The following PDZD2 variants were observed in gnomAD, a reference collection of about 807,000 sequenced individuals.
The protein encoded by PDZD2 is PDZ domain containing 2.
Under a neutral mutation model 220.7 loss-of-function variants are expected in PDZD2, and 90 were observed. The ratio of observed to expected loss-of-function variants is 0.41; its 90% CI spans 0.34 to 0.49. The LOEUF is 0.49. Ranked by LOEUF, PDZD2 falls within the 20% of genes least tolerant of loss-of-function variation. PDZD2 has a pLI of 0.28. For missense variants in PDZD2, 3,174 were observed against 3,608.5 expected (o/e 0.88, Z 3.08); for synonymous variants, 1,375 against 1,450.5 (o/e 0.95, Z 1.18).
chr5:31,878,390 C>G (rs1739512374), intron 2 of PDZD2, among the ~76,000 whole-genome samples: 1 of 151,984 alleles, frequency 6.6e-6, no homozygotes, highest in Non-Finnish European at 1.5e-5. Context: ...GCACTATTCT[C>G]TTTTTCTGAA....
chr5:31,820,449 T>C (rs1318677072), intron 2 of PDZD2: 1 of 152,256 alleles, frequency 6.6e-6, no homozygotes, highest in Non-Finnish European at 1.5e-5. Flanking sequence ...TTAAGTGGTC[T>C]TGATAGGTAT....
rs569048510 is a variant in PDZD2 at position 31,671,479 on chromosome 5, G to A, written c.-361+32042G>A. Among the ~76,000 whole-genome samples the A allele has an allele frequency of 7.4e-4, 112 of 152,156 alleles. No individual in the cohort carries two copies. In the Middle Eastern group the frequency reaches 0.017, roughly 23 times the overall value. On this transcript the variant is annotated intron_variant, in intron 1 of 24. Transcript: ENST00000438447. Reference sequence around the variant, plus strand: ...CTCCTGTGGTCAGCATCAGGACTGGGAGCTGGCGTGCTGTGCTCATAGCAG... The same window carrying A: ...CTCCTGTGGTCAGCATCAGGACTGGAAGCTGGCGTGCTGTGCTCATAGCAG...
rs978982106 is a variant in PDZD2 at position 32,000,739 on chromosome 5, A to C, written c.1254+468A>C. On this transcript the variant is annotated intron_variant, in intron 5 of 24. Transcript: ENST00000438447. This position sits in a 1 kb window ranked among gnomAD's most constrained non-coding sequence, Gnocchi z 4.5. ...TGGTCAGGCTGGTCTCAAACTCCTG[A>C]CCTCAGGTGATGCACCTGCCTCAGC... 1.3e-5 allele frequency among the ~76,000 whole-genome samples: 2 copies of C among 152,090 alleles called. No individual in the cohort carries two copies. The highest frequency in any genetic ancestry group is 2.9e-5 in the Non-Finnish European group (2 of 68,010).
intron 2 of PDZD2, chr5:31,854,934 G>C (rs1758299634): frequency 3.1e-6 from 3 of 983,318 alleles, no homozygotes; most frequent in Non-Finnish European, 3.6e-6. Context: ...TCCTCCCACA[G>C]ACCTGGAGCC....
intron 1 of PDZD2, among the ~76,000 whole-genome samples, chr5:31,720,348 C>A (rs1748715541): frequency 6.6e-6 from 1 of 152,160 alleles, no homozygotes; most frequent in Non-Finnish European, 1.5e-5. Context: ...ATTCTAAGCT[C>A]CCAGTCTAAT....
intron 2 of PDZD2, among the ~76,000 whole-genome samples, chr5:31,958,918 C>T (rs1396541949): frequency 6.7e-6 from 1 of 149,678 alleles, no homozygotes; most frequent in Middle Eastern, 3.5e-3. Context: ...GTGAGCCACC[C>T]GGCCTTTAAA....
At chr5:31,987,041 C>G (rs1363713741) in intron 3 of PDZD2, among the ~76,000 whole-genome samples, 3 of 151,836 alleles carry the variant, frequency 2.0e-5, no homozygotes, top group Admixed American at 2.0e-4. Flanking sequence ...TCCTCTAAAA[C>G]AATCTCCTAG....
Position 31,751,205 on chromosome 5 carries a change from C to T in PDZD2, c.-360-47684C>T, listed in dbSNP as rs1468792602. Among the ~76,000 whole-genome samples, 3 of 149,984 alleles carry T rather than the reference C, an allele frequency of 2.0e-5. No individual in the cohort carries two copies. In the Admixed American group the frequency reaches 2.0e-4, roughly 10 times the overall value. ...GCAGTGAGCCAAGATCACACCATTG[C>T]ACTCCGGCCTGGGTGACAAGAGCGA... On this transcript the variant is annotated intron_variant, in intron 1 of 24. Coordinates refer to ENST00000438447, the MANE Select transcript of PDZD2 (RefSeq NM_178140.4).
chr5:31,798,786 A>G, intron 1 of PDZD2, 103 bp from the exon 2 acceptor site: 1 of 163,852 alleles, frequency 6.1e-6, no homozygotes, highest in Non-Finnish European at 1.3e-5. Context: ...TGGTGCCTGG[A>G]AAGTACACAT....
chr5:32,032,641 A>G (rs1336146251), intron 6 of PDZD2, among the ~76,000 whole-genome samples: 2 of 152,082 alleles, frequency 1.3e-5, no homozygotes, highest in East Asian at 1.9e-4. Flanking sequence ...CTTGTAAATT[A>G]TGTCTGTCTT....
At chr5:31,728,583 G>A (rs544728643) in intron 1 of PDZD2, among the ~76,000 whole-genome samples, 8 of 152,146 alleles carry the variant, frequency 5.3e-5, no homozygotes, top group South Asian at 2.1e-4. Flanking sequence ...CTGATGCTTC[G>A]TTATAGCTTT....
chr5:31,934,440 C>T (rs1369332062), intron 2 of PDZD2, among the ~76,000 whole-genome samples: 1 of 152,038 alleles, frequency 6.6e-6, no homozygotes, highest in African/African-American at 2.4e-5. Context: ...ACCAGGGAAA[C>T]ATCATATATA....
At chr5:31,848,104 T>C in intron 2 of PDZD2, 1 of 319,518 alleles carries the variant, frequency 3.1e-6, no homozygotes. Context: ...ATCAGGTAGC[T>C]CAAAAGTAGG....
intron 2 of PDZD2, among the ~76,000 whole-genome samples, chr5:31,855,780 C>T (rs62360855): frequency 0.043 from 6,547 of 152,264 alleles, 162 homozygotes; most frequent in Non-Finnish European, 0.056. Flanking sequence ...ATGTTTTGAT[C>T]ATAGGATCCA....
At position 32,053,906 on chromosome 5, in the gene PDZD2, C is replaced by T. The variant is rs114649859; in HGVS notation, c.1900+23C>T. ...AAGGTAGGGGAAAGCCTCTTGTATCCTCAGTGACAGTGACTTTGATCCCAT... is the reference window on the plus strand; with the variant it reads ...AAGGTAGGGGAAAGCCTCTTGTATCTTCAGTGACAGTGACTTTGATCCCAT... On this transcript the variant is annotated intron_variant, in intron 10 of 24. Transcript: ENST00000438447. The T allele has an allele frequency of 6.9e-4, 892 of 1,290,160 alleles. 9 individuals are homozygous for T. The African/African-American group carries it at 0.012, about 17-fold the overall frequency. 79.9% of individuals were successfully genotyped at this position (1,290,160 alleles called of 1,614,324 possible). A position where few individuals can be genotyped will look rare whatever the true frequency, so the allele number is the denominator to read the frequency against.
At chr5:31,850,118 G>A (rs186518212) in intron 2 of PDZD2, among the ~76,000 whole-genome samples, 4 of 137,712 alleles carry the variant, frequency 2.9e-5, no homozygotes, top group African/African-American at 7.9e-5. Context: ...GTATATATAC[G>A]TGTATATATG....
rs1224111319 is a variant in PDZD2, at chr5:31,757,662, T to C, written c.-360-41227T>C. Among the ~76,000 whole-genome samples the C allele has an allele frequency of 2.6e-5, 4 of 151,966 alleles. No homozygotes were observed. The East Asian group carries it at 7.7e-4, about 29-fold the overall frequency. The stretch of plus-strand genomic sequence containing the variant: ...TGTGGCTAATTGGCTGAGGTGACGC[T>C]GGCTAATTGGCTGAGGTGACGCTCC... On this transcript the variant is annotated intron_variant, in intron 1 of 24. Coordinates refer to ENST00000438447, the MANE Select transcript of PDZD2 (RefSeq NM_178140.4).
intron 6 of PDZD2, among the ~76,000 whole-genome samples, chr5:32,032,417 G>T (rs191130196): frequency 1.3e-5 from 2 of 152,108 alleles, no homozygotes; most frequent in African/African-American, 4.8e-5. Flanking sequence ...TCACTCTCTC[G>T]GTCGTTCCTT....
chr5:31,670,893 C>T (rs960370965), intron 1 of PDZD2, among the ~76,000 whole-genome samples: 1 of 152,054 alleles, frequency 6.6e-6, no homozygotes, highest in Non-Finnish European at 1.5e-5. Context: ...CTGTGGATCG[C>T]TAAGAGTCTA....
Sources: allele counts gnomAD v4.1 joint callset (sites outside exome capture counted in the v4.1 genomes callset), GRCh38; gene constraint gnomAD v4.1.1; non-coding constraint Gnocchi (gnomAD v3.1); transcripts MANE v1.5; gene names NCBI Gene and HGNC (gene_info 2026-07-23, HGNC 2026-07-21).